The following GFPT2 variants were observed in gnomAD, a reference collection of about 807,000 sequenced individuals.
The protein encoded by GFPT2 is glutamine--fructose-6-phosphate aminotransferase [isomerizing] 2.
GFPT2 carries 62 observed loss-of-function variants against 85.6 expected under a neutral mutation model. The ratio of observed to expected loss-of-function variants is 0.72; its 90% CI spans 0.59 to 0.90. GFPT2 has a LOEUF of 0.90. Ranked by LOEUF, GFPT2 falls within the 40% of genes least tolerant of loss-of-function variation. The pLI is 0.00. For synonymous variants in GFPT2, 368 were observed against 344.5 expected, an observed-to-expected ratio of 1.07 and a Z score of -0.75; for missense variants, 788 against 893.4, an observed-to-expected ratio of 0.88 and a Z score of 1.50.
At chr5:180,324,990 C>T (rs974776516) in intron 7 of GFPT2, 95 bp from the exon 8 acceptor site, 3 of 813,662 alleles carry the variant, frequency 3.7e-6, no homozygotes, top group Non-Finnish European at 6.4e-6. Flanking sequence ...CAAATCTAGC[C>T]CTTTCCCAGT....
At chr5:180,335,085 A>C (rs913964718) in intron 4 of GFPT2, among the ~76,000 whole-genome samples, 1 of 152,256 alleles carries the variant, frequency 6.6e-6, no homozygotes, top group African/African-American at 2.4e-5. Flanking sequence ...CACCAAGGAC[A>C]GCAGGTGCAG....
At chr5:180,337,443 A>G (rs1353887693) in intron 2 of GFPT2, among the ~76,000 whole-genome samples, 1 of 142,838 alleles carries the variant, frequency 7.0e-6, no homozygotes, top group African/African-American at 2.6e-5. Context: ...ACAGAGCGAG[A>G]CTCCATCTCG....
Position 180,330,703 on chromosome 5 carries a change from C to T in GFPT2, c.531G>A (p.Gln177=). ...ACAGATGGGATTTGTAACTCACCAA[C>T]TGCTGAATGACTCTCTCGACCAACG... ...FSTLVERVIQ[Q]LEGAFALVFK... Residue 177 remains glutamine, a synonymous_variant, in exon 6 of 19, where the codon CAG becomes CAA. Coordinates refer to ENST00000253778, the MANE Select transcript of GFPT2 (RefSeq NM_005110.4). This position sits in a 1 kb window ranked among gnomAD's most constrained non-coding sequence, Gnocchi z 4.4. 6.2e-7 allele frequency: 1 copy of T among 1,611,622 alleles called. No homozygotes were observed. The highest frequency in any genetic ancestry group is 1.7e-4 in the Middle Eastern group (1 of 6,058).
intron 15 of GFPT2, among the ~76,000 whole-genome samples, chr5:180,311,267 C>A (rs1322329220): frequency 6.6e-6 from 1 of 152,222 alleles, no homozygotes; most frequent in African/African-American, 2.4e-5. Flanking sequence ...CTCCGCCTCT[C>A]AGGCCTGCAC....
chr5:180,324,151 G>A, intron 9 of GFPT2, 37 bp downstream of exon 9: 1 of 1,107,304 alleles, frequency 9.0e-7, no homozygotes, highest in South Asian at 1.3e-5. Context: ...CTTTGATTAT[G>A]TAATCCCAGG....
At chr5:180,344,787 C>CG (rs1165318204) in intron 1 of GFPT2, among the ~76,000 whole-genome samples, 2 of 152,126 alleles carry the variant, frequency 1.3e-5, no homozygotes, top group African/African-American at 4.8e-5. Flanking sequence ...TCTTGCCCCT[C>CG]GACAAGAGGG....
intron 4 of GFPT2, among the ~76,000 whole-genome samples, chr5:180,332,683 G>A (rs1383603658): frequency 6.6e-6 from 1 of 152,160 alleles, no homozygotes; most frequent in East Asian, 1.9e-4. Context: ...AATTGCAGGT[G>A]CTCGCCACCA....
At chr5:180,313,538 C>G (rs906151247) in intron 14 of GFPT2, among the ~76,000 whole-genome samples, 3 of 151,202 alleles carry the variant, frequency 2.0e-5, no homozygotes, top group African/African-American at 7.3e-5. Flanking sequence ...TGCAGTGAGC[C>G]GAGATCGCGC....
In GFPT2 at chr5:180,324,889, G is replaced by C. The variant is rs181394668; in HGVS notation, c.603C>G (p.Gly201=). Reference sequence around the variant, plus strand: ...TCCGGACTCCGATGAGCAGGGGGCTGCCTCTCCTGTAGGGAGAAAGAGGCA... The same window carrying C: ...TCCGGACTCCGATGAGCAGGGGGCTCCCTCTCCTGTAGGGAGAAAGAGGCA... ...YPGEAVATRR[G]SPLLIGVRSK... The change falls in exon 8 of 19, where the codon GGC becomes GGG. Residue 201 remains glycine, a synonymous_variant. Coordinates refer to ENST00000253778, the MANE Select transcript of GFPT2 (RefSeq NM_005110.4). 1 of 1,606,272 alleles carries C rather than the reference G, an allele frequency of 6.2e-7. No homozygotes were observed. The highest frequency in any genetic ancestry group is 2.2e-5 in the East Asian group (1 of 44,842).
At chr5:180,336,951 C>G (rs1203564012) in intron 2 of GFPT2, among the ~76,000 whole-genome samples, 1 of 152,250 alleles carries the variant, frequency 6.6e-6, no homozygotes, top group African/African-American at 2.4e-5. Context: ...ATCTCCACTG[C>G]GTTAGTGTTC....
chr5:180,321,632 G>A (rs995122837), intron 9 of GFPT2, among the ~76,000 whole-genome samples: 1 of 152,254 alleles, frequency 6.6e-6, no homozygotes, highest in Non-Finnish European at 1.5e-5. Context: ...GCTGGACAGT[G>A]TGCTCACATC....
chr5:180,340,793 C>T (rs950850101), intron 1 of GFPT2, among the ~76,000 whole-genome samples: 8 of 152,142 alleles, frequency 5.3e-5, no homozygotes, highest in African/African-American at 1.9e-4. Flanking sequence ...GGATTACAGG[C>T]GTGAGCCACC....
intron 1 of GFPT2, among the ~76,000 whole-genome samples, chr5:180,342,052 T>C (rs970863543): frequency 1.3e-5 from 2 of 152,174 alleles, no homozygotes; most frequent in Admixed American, 1.3e-4. Context: ...TGAATAAGTC[T>C]CATGAGATCG....
At chr5:180,347,819 G>T (rs1035993439) in intron 1 of GFPT2, among the ~76,000 whole-genome samples, 4 of 151,898 alleles carry the variant, frequency 2.6e-5, no homozygotes, top group Non-Finnish European at 5.9e-5. Context: ...TGCTGAGCGT[G>T]GGGGTGGAGG....
intron 1 of GFPT2, among the ~76,000 whole-genome samples, chr5:180,339,172 G>C (rs544670055): frequency 6.6e-6 from 1 of 152,210 alleles, no homozygotes; most frequent in South Asian, 2.1e-4. Flanking sequence ...CTGAGGTCAG[G>C]AGTTCGAGAC....
At chr5:180,332,025 G>C (rs1448675395) in intron 4 of GFPT2, among the ~76,000 whole-genome samples, 2 of 152,230 alleles carry the variant, frequency 1.3e-5, no homozygotes, top group Non-Finnish European at 2.9e-5. Context: ...AAATATTTGA[G>C]TTTTTAAAAT....
intron 9 of GFPT2, among the ~76,000 whole-genome samples, chr5:180,320,011 G>T (rs1461961360): frequency 6.6e-6 from 1 of 151,922 alleles, no homozygotes; most frequent in Non-Finnish European, 1.5e-5. Context: ...TATTTATTTT[G>T]AGACAGAGTC....
chr5:180,335,918 T>A lies in GFPT2; in HGVS notation c.250A>T (p.Thr84Ser). The A allele has an allele frequency of 6.4e-7, 1 of 1,573,200 alleles. No homozygotes were observed. The highest frequency in any genetic ancestry group is 8.6e-7 in the Non-Finnish European group (1 of 1,165,902). Residue 84 changes from threonine (T) to serine (S), a missense_variant, in exon 4 of 19, where the codon ACA (threonine) becomes TCA (serine). Thr to Ser is a moderately conservative substitution (Grantham distance 58, BLOSUM62 1). Coordinates refer to ENST00000253778, the MANE Select transcript of GFPT2 (RefSeq NM_005110.4). ...DSMDLKVEFE[T>S]HFGIAHTRWA... ...CGCGTGTGGGCAATGCCGAAGTGTGTCTCAAACTCCACTTTTAAGTCCATG... is the reference window on the plus strand; with the variant it reads ...CGCGTGTGGGCAATGCCGAAGTGTGACTCAAACTCCACTTTTAAGTCCATG...
rs551857722 is a variant in GFPT2, at chr5:180,343,315, G to A, written c.8-4715C>T. On this transcript the variant is annotated intron_variant, in intron 1 of 18. Coordinates refer to ENST00000253778, the MANE Select transcript of GFPT2 (RefSeq NM_005110.4). ...CGTTCGGCACGCTCCGCAAGGCACC[G>A]CTGACTTTCAGACCCACGACAGCCT... 2.6e-5 allele frequency among the ~76,000 whole-genome samples: 4 copies of A among 152,290 alleles called. No individual in the cohort carries two copies. The South Asian group carries it at 6.2e-4, about 24-fold the overall frequency.
Sources: allele counts gnomAD v4.1 joint callset (sites outside exome capture counted in the v4.1 genomes callset), GRCh38; gene constraint gnomAD v4.1.1; non-coding constraint Gnocchi (gnomAD v3.1); transcripts MANE v1.5; gene names NCBI Gene and HGNC (gene_info 2026-07-23, HGNC 2026-07-21).